The following SND1 variants were observed in gnomAD, a reference collection of about 807,000 sequenced individuals.
SND1 encodes staphylococcal nuclease domain-containing protein 1.
In SND1, 38 loss-of-function variants were observed where a neutral mutation model predicts 121.7. That is an observed-to-expected ratio of 0.31 (90% confidence interval 0.24 to 0.41). SND1 has a LOEUF of 0.41. Among genes scored for constraint, SND1 ranks in the 10% least tolerant of loss-of-function variants. The pLI, the probability that SND1 is intolerant of heterozygous loss-of-function variation, is 1.00. For synonymous variants in SND1, 401 were observed against 447.4 expected (o/e 0.90, Z 1.31); for missense variants, 868 against 1,184.6 (o/e 0.73, Z 3.92).
intron 8 of SND1, among the ~76,000 whole-genome samples, chr7:127,707,132 C>G (rs1796215601): frequency 6.6e-6 from 1 of 152,116 alleles, no homozygotes. Context: ...ACTGTCATGA[C>G]AGTTTTCTTC....
intron 16 of SND1, among the ~76,000 whole-genome samples, chr7:128,058,954 CT>C (rs1793187507): frequency 1.3e-5 from 2 of 152,096 alleles, no homozygotes; most frequent in Non-Finnish European, 2.9e-5. Flanking sequence ...CCAGCTTTTC[CT>C]CTGAGCTGCT....
intron 11 of SND1, among the ~76,000 whole-genome samples, chr7:127,825,685 C>T (rs1798631689): frequency 6.6e-6 from 1 of 152,040 alleles, no homozygotes; most frequent in East Asian, 1.9e-4. Flanking sequence ...GGATTACAGG[C>T]GTGAGCCACC....
chr7:127,965,058 T>G (rs1801825594), intron 15 of SND1, among the ~76,000 whole-genome samples: 1 of 56,384 alleles, frequency 1.8e-5, no homozygotes. Flanking sequence ...TCTCTGTTTG[T>G]CTGTTGTTGG....
intron 10 of SND1, among the ~76,000 whole-genome samples, chr7:127,790,810 TGAA>T: frequency 6.6e-6 from 1 of 152,312 alleles, no homozygotes; most frequent in East Asian, 1.9e-4. Context: ...GAGCATGTCT[TGAA>T]GAATATTTGG....
At chr7:127,990,444 T>C (rs1802494291) in intron 15 of SND1, among the ~76,000 whole-genome samples, 1 of 152,148 alleles carries the variant, frequency 6.6e-6, no homozygotes, top group Non-Finnish European at 1.5e-5. Flanking sequence ...GGGAGGCTTA[T>C]TTGAAGAGAA....
chr7:127,723,059 C>T (rs1307405614), intron 10 of SND1, among the ~76,000 whole-genome samples: 1 of 152,138 alleles, frequency 6.6e-6, no homozygotes, highest in East Asian at 1.9e-4. Flanking sequence ...AATTCTTGAA[C>T]GTTAATTTTT....
At chr7:127,958,814 A>G (rs1394823110) in intron 15 of SND1, among the ~76,000 whole-genome samples, 9 of 152,148 alleles carry the variant, frequency 5.9e-5, no homozygotes, top group Non-Finnish European at 8.8e-5. Context: ...TTTGGGAGGC[A>G]TTAGGTATGA....
chr7:128,009,444 A>G (rs766559608), intron 16 of SND1, among the ~76,000 whole-genome samples: 45 of 152,244 alleles, frequency 3.0e-4, no homozygotes, highest in Non-Finnish European at 6.0e-4. Context: ...AGAGATGGAA[A>G]AAGACAACCA....
intron 16 of SND1, among the ~76,000 whole-genome samples, chr7:128,067,730 C>T (rs559679487): frequency 3.3e-5 from 5 of 152,246 alleles, no homozygotes; most frequent in African/African-American, 7.2e-5. Context: ...ACTGCAGTAA[C>T]GCCTGTGCAC....
chr7:127,704,667 C>T (rs1473730692), intron 7 of SND1, among the ~76,000 whole-genome samples, 172 bp from the exon 8 acceptor site: 1 of 152,166 alleles, frequency 6.6e-6, no homozygotes, highest in African/African-American at 2.4e-5. Context: ...TGGCATCTCT[C>T]CCATCTTAGG....
At position 128,040,437 on chromosome 7, in the gene SND1, TAAAA is replaced by T. The variant is rs67595921; in HGVS notation, c.1780-34039_1780-34036del. On this transcript the variant is annotated intron_variant, in intron 16 of 23. Coordinates refer to ENST00000354725, the MANE Select transcript of SND1 (RefSeq NM_014390.4). ...ATCAAACAGAGCAAGGTCCTATCTT[TAAAA>T]AAAAAAAAAAAAAAAAAAAAAAAAA... Among the ~76,000 whole-genome samples, 21 of 32,898 alleles carry T rather than the reference TAAAA, an allele frequency of 6.4e-4. No individual in the cohort carries two copies. The East Asian group carries it at 0.014, about 23-fold the overall frequency. 21.6% of individuals were successfully genotyped at this position (32,898 alleles called of 152,430 possible). A position where few individuals can be genotyped will look rare whatever the true frequency, so the allele number is the denominator to read the frequency against.
chr7:128,074,447 C>T (rs1405045440), intron 16 of SND1, 55 bp from the exon 17 acceptor site: 8 of 1,544,742 alleles, frequency 5.2e-6, no homozygotes, highest in Admixed American at 3.6e-5. Context: ...ACGGGCACAG[C>T]CCCTGCACAC....
intron 15 of SND1, among the ~76,000 whole-genome samples, chr7:127,939,328 G>T (rs981449119): frequency 1.3e-5 from 2 of 152,170 alleles, no homozygotes. Flanking sequence ...AAGATTGGGA[G>T]TAGGAATTAA....
chr7:127,911,206 T>A (rs922015545), intron 14 of SND1, among the ~76,000 whole-genome samples: 2 of 152,232 alleles, frequency 1.3e-5, no homozygotes, highest in African/African-American at 4.8e-5. Flanking sequence ...GACTACAATG[T>A]ACAGGTGACT....
chr7:127,656,379 G>A (rs995349169), intron 1 of SND1, among the ~76,000 whole-genome samples: 8 of 148,112 alleles, frequency 5.4e-5, no homozygotes, highest in Admixed American at 4.7e-4. Context: ...CTGGAGTGCA[G>A]TGGCGCTATC....
At chr7:127,723,578 T>C (rs1019900470) in intron 10 of SND1, among the ~76,000 whole-genome samples, 8 of 152,192 alleles carry the variant, frequency 5.3e-5, no homozygotes, top group Non-Finnish European at 1.2e-4. Context: ...AATAAGTTAA[T>C]ATAATGAACC....
chr7:127,735,331 T>G (rs918409079), intron 10 of SND1, among the ~76,000 whole-genome samples: 1 of 152,232 alleles, frequency 6.6e-6, no homozygotes, highest in Non-Finnish European at 1.5e-5. Flanking sequence ...TCTTTGTTAC[T>G]GTAACACGTG....
chr7:127,889,573 A>G (rs1398210813), intron 13 of SND1, among the ~76,000 whole-genome samples: 2 of 151,936 alleles, frequency 1.3e-5, no homozygotes, highest in Non-Finnish European at 2.9e-5. Context: ...ATTATTGACT[A>G]TAGTGACCCT....
chr7:128,088,337 G>A (rs1793719313), intron 21 of SND1, among the ~76,000 whole-genome samples: 1 of 150,164 alleles, frequency 6.7e-6, no homozygotes, highest in African/African-American at 2.5e-5. Flanking sequence ...TGTACTCCCA[G>A]CTAGTCCCAG....
Sources: allele counts gnomAD v4.1 joint callset (sites outside exome capture counted in the v4.1 genomes callset), GRCh38; gene constraint gnomAD v4.1.1; transcripts MANE v1.5; gene names NCBI Gene and HGNC (gene_info 2026-07-23, HGNC 2026-07-21).